The following CELF2 variants were observed in gnomAD, a reference collection of about 807,000 sequenced individuals.
CELF2 encodes CUG triplet repeat RNA-binding protein 2.
A neutral mutation model predicts 62.6 loss-of-function variants in CELF2; 8 were observed. The ratio of observed to expected loss-of-function variants is 0.13; its 90% CI spans 0.07 to 0.23. The LOEUF is 0.23. Among genes scored for constraint, CELF2 ranks in the 10% least tolerant of loss-of-function variants. The probability of loss-of-function intolerance (pLI) is 1.00; values close to 1 mark genes in which losing one functional copy is unlikely to be tolerated. For missense variants in CELF2, 333 were observed against 671.0 expected (o/e 0.50, Z 5.56); for synonymous variants, 258 against 250.0 (o/e 1.03, Z -0.30).
chr10:10,699,050 T>A, the CELF2 span, among the ~76,000 whole-genome samples: 3 of 152,018 alleles, frequency 2.0e-5, no homozygotes, highest in African/African-American at 2.4e-5. Context: ...GTGTATGTTA[T>A]CTACGTATAT....
the CELF2 span, among the ~76,000 whole-genome samples, chr10:10,507,898 C>G: frequency 6.6e-6 from 1 of 152,154 alleles, no homozygotes. Flanking sequence ...TGGAAAGAGT[C>G]AAGCCCGGTT....
chr10:11,261,962 CTGGGCTATTTAGGT>C (rs754014099), intron 5 of CELF2, among the ~76,000 whole-genome samples: 77 of 152,310 alleles, frequency 5.1e-4, no homozygotes, highest in Non-Finnish European at 1.0e-3. Context: ...CACAGTCAGC[CTGGGCTATTTAGGT>C]ACAGGGTTTT....
In CELF2 at chr10:11,183,518, G is replaced by A. The variant is rs1003233681; in HGVS notation, c.271+17836G>A. On this transcript the variant is annotated intron_variant, in intron 2 of 12. Transcript: ENST00000633077. ...TTTATATCGAACTTCTTAAGAAACCGCCTGTTTGCTAAAGGGATTGTACCA... is the reference window on the plus strand; with the variant it reads ...TTTATATCGAACTTCTTAAGAAACCACCTGTTTGCTAAAGGGATTGTACCA... 1.2e-4 allele frequency among the ~76,000 whole-genome samples: 18 copies of A among 152,272 alleles called. No individual in the cohort carries two copies. In the South Asian group the frequency reaches 1.5e-3, roughly 12 times the overall value.
At chr10:11,259,097 T>A (rs2653512) in intron 5 of CELF2, among the ~76,000 whole-genome samples, 1 of 152,176 alleles carries the variant, frequency 6.6e-6, no homozygotes, top group Non-Finnish European at 1.5e-5. Flanking sequence ...AGGAACTTGG[T>A]TTCCTTCTCA....
Position 10,863,535 on chromosome 10 carries a change from T to A in CELF2, c.54-56429T>A, listed in dbSNP as rs138311422. 1.7e-3 allele frequency among the ~76,000 whole-genome samples: 259 copies of A among 152,188 alleles called. 6 individuals carry two copies. Among genetic ancestry groups the A allele is most frequent in the Admixed American group, 0.015 (235 of 15,276 alleles). ...TCTTATCTATCAAATGGGGCTAGGGTGTTGAAAGGATAAAATAATTCATGG... is the reference window on the plus strand; with the variant it reads ...TCTTATCTATCAAATGGGGCTAGGGAGTTGAAAGGATAAAATAATTCATGG... On this transcript the variant is annotated intron_variant, in intron 1 of 13. Coordinates refer to the CELF2 transcript ENST00000636488.
At chr10:10,533,053 G>A in the CELF2 span, among the ~76,000 whole-genome samples, 1 of 152,262 alleles carries the variant, frequency 6.6e-6, no homozygotes, top group Non-Finnish European at 1.5e-5. Flanking sequence ...AGAATGCTGG[G>A]TTTGTAACTG....
At chr10:11,034,887 A>C (rs1009374168) in intron 1 of CELF2, among the ~76,000 whole-genome samples, 1 of 152,142 alleles carries the variant, frequency 6.6e-6, no homozygotes, top group Admixed American at 6.5e-5. Flanking sequence ...AGAGGATGGA[A>C]TTGCAGCCAC....
intron 2 of CELF2, among the ~76,000 whole-genome samples, chr10:10,976,829 G>T (rs2051396899): frequency 6.6e-6 from 1 of 152,036 alleles, no homozygotes. Context: ...AACTCAAAAT[G>T]CCGCTCACTT....
At chr10:10,892,219 A>G (rs73569211) in intron 1 of CELF2, among the ~76,000 whole-genome samples, 27,562 of 152,114 alleles carry the variant, frequency 0.18, 2,655 homozygotes, top group African/African-American at 0.24. Context: ...CTAAAAACCC[A>G]AACAGCTTCT....
intron 3 of CELF2, among the ~76,000 whole-genome samples, chr10:11,245,928 G>A (rs941484927): frequency 5.3e-5 from 8 of 152,210 alleles, no homozygotes; most frequent in Admixed American, 2.6e-4. Flanking sequence ...GATTAAGAGT[G>A]GAGATATTAG....
the CELF2 span, among the ~76,000 whole-genome samples, chr10:10,696,343 G>C: frequency 8.4e-4 from 127 of 151,894 alleles, no homozygotes; most frequent in African/African-American, 3.0e-3. Context: ...ACCCACTTGA[G>C]GAGGCAGTCT....
At chr10:11,209,255 G>A (rs1024753566) in intron 2 of CELF2, among the ~76,000 whole-genome samples, 3 of 152,096 alleles carry the variant, frequency 2.0e-5, no homozygotes, top group African/African-American at 4.8e-5. Context: ...TTGTGAAATC[G>A]GTGGCCTCAT....
In CELF2 at chr10:11,148,339, G is replaced by A. The variant is rs377235390; in HGVS notation, c.75-17147G>A. 1.6e-3 allele frequency among the ~76,000 whole-genome samples: 242 copies of A among 152,326 alleles called. 3 individuals carry two copies. In the South Asian group the frequency reaches 0.034, roughly 21 times the overall value. ...AGGCCTGTGCCTGCCTTCACACAGC[G>A]TGTAACGGAAGGCATTGCTTTTGCT... is the stretch of plus-strand genomic sequence containing the variant. On this transcript the variant is annotated intron_variant, in intron 1 of 12. Transcript: ENST00000633077.
upstream of CELF2, among the ~76,000 whole-genome samples, chr10:11,002,371 G>C (rs1438170832): frequency 6.6e-6 from 1 of 152,198 alleles, no homozygotes; most frequent in African/African-American, 2.4e-5. This position sits in a 1 kb window ranked among gnomAD's most constrained non-coding sequence, Gnocchi z 4.4. Flanking sequence ...TGGGGATACA[G>C]AGCCAAACCG....
intron 1 of CELF2, among the ~76,000 whole-genome samples, chr10:11,121,947 G>T (rs1032772180): frequency 6.6e-6 from 1 of 152,112 alleles, no homozygotes. Flanking sequence ...CTGATGAGGG[G>T]CTTTATTTTG....
At chr10:11,020,683 C>A (rs1049007680) in intron 1 of CELF2, among the ~76,000 whole-genome samples, 2 of 152,112 alleles carry the variant, frequency 1.3e-5, no homozygotes, top group Non-Finnish European at 2.9e-5. Flanking sequence ...TTTTCAATGG[C>A]GTTTTCCCAC....
At chr10:10,943,760 A>C (rs1592225345) in intron 2 of CELF2, among the ~76,000 whole-genome samples, 1 of 142,988 alleles carries the variant, frequency 7.0e-6, no homozygotes, top group African/African-American at 2.6e-5. Flanking sequence ...CACTACTCCC[A>C]GCTTTTTTTT....
At chr10:11,019,790 C>T (rs1397014981) in intron 1 of CELF2, among the ~76,000 whole-genome samples, 1 of 152,084 alleles carries the variant, frequency 6.6e-6, no homozygotes, top group Non-Finnish European at 1.5e-5. Context: ...GACCTCTGTC[C>T]TGTCCCCCAT....
chr10:10,625,426 T>A, the CELF2 span, among the ~76,000 whole-genome samples: 1 of 152,236 alleles, frequency 6.6e-6, no homozygotes, highest in Non-Finnish European at 1.5e-5. Context: ...TAATCCCATT[T>A]TGCACGGAAG....
Sources: allele counts gnomAD v4.1 joint callset (sites outside exome capture counted in the v4.1 genomes callset), GRCh38; gene constraint gnomAD v4.1.1; non-coding constraint Gnocchi (gnomAD v3.1); transcripts MANE v1.5; gene names NCBI Gene and HGNC (gene_info 2026-07-23, HGNC 2026-07-21).